Variants in TCF4 observed in about 807,000 individuals in gnomAD.
TCF4 encodes transcription factor 4.
TCF4 carries 3 observed loss-of-function variants against 82.1 expected under a neutral mutation model. The observed-to-expected ratio is 0.04, with a 90% CI of 0.02 to 0.09. The LOEUF is 0.09. Ranked by LOEUF, TCF4 falls within the 10% of genes least tolerant of loss-of-function variation. The probability of loss-of-function intolerance (pLI) is 1.00; values close to 1 mark genes in which losing one functional copy is unlikely to be tolerated. For missense variants in TCF4, 518 were observed against 852.7 expected, an observed-to-expected ratio of 0.61 and a Z score of 4.89; for synonymous variants, 276 against 309.6, an observed-to-expected ratio of 0.89 and a Z score of 1.14.
At chr18:55,264,356 C>A (rs1030773028) in intron 11 of TCF4, among the ~76,000 whole-genome samples, 5 of 152,144 alleles carry the variant, frequency 3.3e-5, no homozygotes, top group African/African-American at 1.2e-4. Context: ...AGCTGGAGTG[C>A]CAAACCCAAG....
chr18:55,326,786 T>A (rs1000291013), intron 8 of TCF4, among the ~76,000 whole-genome samples: 1 of 152,194 alleles, frequency 6.6e-6, no homozygotes, highest in South Asian at 2.1e-4. Flanking sequence ...TAACAAAAAA[T>A]TTAATTCATA....
intron 11 of TCF4, chr18:55,267,081 AC>A (rs2059347698): frequency 6.6e-6 from 1 of 152,180 alleles, no homozygotes; most frequent in Non-Finnish European, 1.5e-5. Context: ...GCAACTTTTT[AC>A]CAGGAAAACG....
upstream of TCF4, among the ~76,000 whole-genome samples, chr18:55,592,373 T>TC (rs956633287): frequency 3.9e-5 from 6 of 152,158 alleles, no homozygotes; most frequent in Non-Finnish European, 8.8e-5. Flanking sequence ...AGGGCTCTCT[T>TC]CCTGGCTTGC....
At chr18:55,286,505 A>C (rs1220985273) in intron 8 of TCF4, among the ~76,000 whole-genome samples, 2 of 152,200 alleles carry the variant, frequency 1.3e-5, no homozygotes, top group African/African-American at 4.8e-5. Flanking sequence ...CAGTTCTCTT[A>C]GCATTCTCCT....
chr18:55,529,454 A>C (rs948136292), intron 3 of TCF4, among the ~76,000 whole-genome samples: 1 of 150,854 alleles, frequency 6.6e-6, no homozygotes, highest in Non-Finnish European at 1.5e-5. Flanking sequence ...AGAAGCAGTG[A>C]GAGAGAGAAC....
intron 8 of TCF4, among the ~76,000 whole-genome samples, chr18:55,293,077 A>C (rs1446970752): frequency 2.0e-5 from 3 of 152,168 alleles, no homozygotes; most frequent in Non-Finnish European, 2.9e-5. Flanking sequence ...TGAATGTACT[A>C]AATATTACTG....
intron 3 of TCF4, among the ~76,000 whole-genome samples, chr18:55,503,744 A>G (rs990844405): frequency 1.3e-5 from 2 of 152,202 alleles, no homozygotes; most frequent in Non-Finnish European, 2.9e-5. Context: ...AACATACAGG[A>G]GGGAGCAGAG....
At chr18:55,295,359 A>G (rs1442266507) in intron 8 of TCF4, among the ~76,000 whole-genome samples, 3 of 152,188 alleles carry the variant, frequency 2.0e-5, no homozygotes, top group African/African-American at 7.2e-5. Context: ...GATGATGACG[A>G]TGATGGAAAA....
intron 15 of TCF4, among the ~76,000 whole-genome samples, chr18:55,243,299 T>C (rs1480956628): frequency 6.6e-6 from 1 of 152,202 alleles, no homozygotes; most frequent in Non-Finnish European, 1.5e-5. Context: ...AAAAAGCAGA[T>C]TTTTGTAAAG....
chr18:55,338,543 G>A (rs2079136757), intron 8 of TCF4, among the ~76,000 whole-genome samples: 1 of 152,110 alleles, frequency 6.6e-6, no homozygotes, highest in South Asian at 2.1e-4. Flanking sequence ...ATAAGAAAAA[G>A]AGTCATTTTC....
chr18:55,620,403 T>C (rs1342892072), intron 2 of TCF4, among the ~76,000 whole-genome samples: 3 of 152,216 alleles, frequency 2.0e-5, no homozygotes, highest in Admixed American at 6.5e-5. Flanking sequence ...GAGGTTTCTT[T>C]AGACTGGCTG....
intron 3 of TCF4, among the ~76,000 whole-genome samples, chr18:55,473,355 C>A (rs1423141411): frequency 6.6e-6 from 1 of 152,132 alleles, no homozygotes; most frequent in African/African-American, 2.4e-5. Flanking sequence ...TCTCCTTTTT[C>A]TTCTATTTCC....
chr18:55,500,130 C>A (rs1339206475), intron 3 of TCF4, among the ~76,000 whole-genome samples: 2 of 151,982 alleles, frequency 1.3e-5, no homozygotes, highest in African/African-American at 2.4e-5. Context: ...TACAGTGAGC[C>A]AAGATTGTGC....
chr18:55,414,444 G>GT (rs2094459165), intron 5 of TCF4, among the ~76,000 whole-genome samples: 1 of 152,086 alleles, frequency 6.6e-6, no homozygotes, highest in African/African-American at 2.4e-5. Context: ...AATTTGCAAT[G>GT]TAAGACAAAA....
intron 6 of TCF4, chr18:55,384,188 G>C (rs62092453): frequency 6.6e-6 from 1 of 152,228 alleles, no homozygotes; most frequent in African/African-American, 2.4e-5. Context: ...CAGAGCTGCA[G>C]AGAGCTCTGC....
At chr18:55,273,498 G>C (rs1026817544) in intron 10 of TCF4, among the ~76,000 whole-genome samples, 2 of 152,094 alleles carry the variant, frequency 1.3e-5, no homozygotes, top group African/African-American at 4.8e-5. Context: ...GTCAGTGTCA[G>C]ATTCTTCTAA....
Position 55,246,232 on chromosome 18 carries a change from CGT to C in TCF4, c.1350+8263_1350+8264del, listed in dbSNP as rs34773632. The stretch of plus-strand genomic sequence containing the variant: ...GGTTATAGGGTCTATTTTAAATACA[CGT>C]GTGTGTGTGTGTGTGTGTGTGTGTG... On this transcript the variant is annotated intron_variant, in intron 15 of 19. Coordinates refer to ENST00000354452, the MANE Select transcript of TCF4 (RefSeq NM_001083962.2). Among the ~76,000 whole-genome samples the C allele has an allele frequency of 4.4e-3, 645 of 147,426 alleles. 4 individuals carry two copies. The highest frequency in any genetic ancestry group is 0.015 in the East Asian group (74 of 5,028).
At chr18:55,290,184 C>T (rs1362237690) in intron 8 of TCF4, among the ~76,000 whole-genome samples, 1 of 152,226 alleles carries the variant, frequency 6.6e-6, no homozygotes, top group Non-Finnish European at 1.5e-5. Flanking sequence ...ATTCCCTACC[C>T]TTTTCCCTTT....
At chr18:55,401,323 A>G in intron 6 of TCF4, 1 of 1,170,012 alleles carries the variant, frequency 8.5e-7, no homozygotes, top group Non-Finnish European at 1.1e-6. Context: ...TGCTGCGACC[A>G]CGCTAAGCAC....
Sources: allele counts gnomAD v4.1 joint callset (sites outside exome capture counted in the v4.1 genomes callset), GRCh38; gene constraint gnomAD v4.1.1; transcripts MANE v1.5; gene names NCBI Gene and HGNC (gene_info 2026-07-23, HGNC 2026-07-21).